Variants in PARP16 observed in about 807,000 individuals in gnomAD.
PARP16 encodes poly(ADP-ribose) polymerase family member 16.
In PARP16, 31 loss-of-function variants were observed where a neutral mutation model predicts 35.0. The observed-to-expected ratio is 0.88, with a 90% CI of 0.66 to 1.19. The LOEUF (loss-of-function observed/expected upper bound fraction) is 1.19. PARP16 is among the 50% of genes most tolerant of loss of function. The probability of loss-of-function intolerance (pLI) is 0.00; values close to 1 mark genes in which losing one functional copy is unlikely to be tolerated. For missense variants in PARP16, 424 were observed against 411.2 expected, an observed-to-expected ratio of 1.03 and a Z score of -0.27; for synonymous variants, 162 against 169.5, an observed-to-expected ratio of 0.96 and a Z score of 0.34.
Position 65,259,407 on chromosome 15 carries a change from T to C in PARP16, c.969A>G (p.Ter323=). Residue 323 remains the stop codon, a stop_retained_variant, in exon 6 of 6, where the codon TAA becomes TAG. Coordinates refer to ENST00000649807, the MANE Select transcript of PARP16 (RefSeq NM_001316943.2). ...AGCCCCCACACCAGGCCCAGAAAGA[T>C]TATCTTTTCGCACGATTCCAAAAGT... is the stretch of plus-strand genomic sequence containing the variant. ...FQHFWNRAKR[*] 1 of 1,614,112 alleles carries C rather than the reference T, an allele frequency of 6.2e-7. No individual in the cohort carries two copies. Among genetic ancestry groups the C allele is most frequent in the Non-Finnish European group, 8.5e-7 (1 of 1,179,974 alleles).
At chr15:65,279,159 G>A (rs1306628258) in intron 1 of PARP16, among the ~76,000 whole-genome samples, 1 of 152,146 alleles carries the variant, frequency 6.6e-6, no homozygotes, top group Non-Finnish European at 1.5e-5. Flanking sequence ...AGCAAGAGTG[G>A]TGTGCCATCA....
chr15:65,277,730 A>G (rs2090298830), intron 1 of PARP16, among the ~76,000 whole-genome samples: 1 of 152,174 alleles, frequency 6.6e-6, no homozygotes, highest in South Asian at 2.1e-4. Flanking sequence ...GGTGGACTGA[A>G]TATTTTAGCC....
At chr15:65,255,760 AAG>A (rs2089487651), downstream of PARP16, among the ~76,000 whole-genome samples, 1 of 150,924 alleles carries the variant, frequency 6.6e-6, no homozygotes, top group Non-Finnish European at 1.5e-5. Context: ...AAAAAAAAAA[AAG>A]AAAAAAAAAA....
exon 4 of PARP16, chr15:65,234,694 T>C (rs2088830224): frequency 6.6e-6 from 1 of 152,346 alleles, no homozygotes; most frequent in South Asian, 2.1e-4. Context: ...TCTCAGCCTC[T>C]TCAGTACATG....
Position 65,261,017 on chromosome 15 carries a change from T to G in PARP16, c.701A>C (p.Glu234Ala). ...KCQTKKKDSK[E>A]IDRRRARIKH... ...GATTCTCGCTCGTCTGCGATCTATC[T>G]CCTTGGAATCTGAATAAGGAGAGTA... The change falls in exon 5 of 6, where the codon GAG (glutamate) becomes GCG (alanine). Residue 234 changes from glutamate (E) to alanine (A), a missense_variant. Glu to Ala is a moderately radical substitution (Grantham distance 107). Coordinates refer to ENST00000649807, the MANE Select transcript of PARP16 (RefSeq NM_001316943.2). The G allele has an allele frequency of 6.2e-7, 1 of 1,613,690 alleles. No homozygotes were observed. The highest frequency in any genetic ancestry group is 1.1e-5 in the South Asian group (1 of 91,056).
intron 1 of PARP16, among the ~76,000 whole-genome samples, chr15:65,282,299 G>A (rs543767151): frequency 1.8e-4 from 27 of 152,144 alleles, no homozygotes; most frequent in Non-Finnish European, 2.1e-4. Flanking sequence ...GTGAACCACC[G>A]TGCCCAGCCA....
At chr15:65,252,905 G>A (rs1037427105) in intron 2 of PARP16, among the ~76,000 whole-genome samples, 1 of 152,182 alleles carries the variant, frequency 6.6e-6, no homozygotes. Context: ...AAGGTGGGCA[G>A]ATCACCTGAG....
At chr15:65,243,485 A>C (rs1013201749) in intron 3 of PARP16, among the ~76,000 whole-genome samples, 1 of 152,080 alleles carries the variant, frequency 6.6e-6, no homozygotes, top group African/African-American at 2.4e-5. Flanking sequence ...TCCTGAGCTC[A>C]AGTGATCCAC....
In PARP16 at chr15:65,259,421, G is replaced by A. The variant is rs1229731656; in HGVS notation, c.955C>T (p.Arg319Cys). ...NSSAFQHFWN[R>C]AKR is the part of the protein sequence containing the mutation. ...GCCCAGAAAGATTATCTTTTCGCACGATTCCAAAAGTGTTGGAAAGCAGAG... is the reference window on the plus strand; with the variant it reads ...GCCCAGAAAGATTATCTTTTCGCACAATTCCAAAAGTGTTGGAAAGCAGAG... The change falls in exon 6 of 6, where the codon CGT becomes TGT. Residue 319 changes from arginine (R) to cysteine (C), a missense_variant. Transcript: ENST00000649807. The A allele has an allele frequency of 5.0e-6, 8 of 1,614,116 alleles. No individual in the cohort carries two copies. Among genetic ancestry groups the A allele is most frequent in the Admixed American group, 1.7e-5 (1 of 60,010 alleles).
chr15:65,275,194 G>A lies in PARP16; in HGVS notation c.175-4122C>T, dbSNP rs147856666. Among the ~76,000 whole-genome samples, 132 of 152,242 alleles carry A rather than the reference G, an allele frequency of 8.7e-4. 1 individual carries two copies. The highest frequency in any genetic ancestry group is 3.0e-3 in the African/African-American group (123 of 41,532). On this transcript the variant is annotated intron_variant, in intron 1 of 5. Coordinates refer to ENST00000649807, the MANE Select transcript of PARP16 (RefSeq NM_001316943.2). ...GAGGACAAGGTGGGACTCCTGTTGC[G>A]TAGGGGCTAAAGGAAAAGGGGGTGG... is the stretch of plus-strand genomic sequence containing the variant.
At chr15:65,252,725 T>C (rs1005971337) in intron 2 of PARP16, among the ~76,000 whole-genome samples, 1 of 152,220 alleles carries the variant, frequency 6.6e-6, no homozygotes, top group Admixed American at 6.5e-5. Context: ...TCCTAACTCA[T>C]TACTAAAACC....
intron 3 of PARP16, among the ~76,000 whole-genome samples, chr15:65,241,284 G>A (rs1253707576): frequency 6.6e-6 from 1 of 151,734 alleles, no homozygotes; most frequent in Non-Finnish European, 1.5e-5. Context: ...GGGGTTACAG[G>A]CGTGTGCCAC....
chr15:65,233,224 T>C (rs2088801657), downstream of PARP16, among the ~76,000 whole-genome samples: 2 of 151,520 alleles, frequency 1.3e-5, no homozygotes, highest in Non-Finnish European at 2.9e-5. Context: ...CCATCCTGGC[T>C]AACATGGTGA....
At chr15:65,268,410 A>G (rs779427622) in intron 2 of PARP16, among the ~76,000 whole-genome samples, 8 of 152,002 alleles carry the variant, frequency 5.3e-5, no homozygotes, top group East Asian at 1.9e-4. Flanking sequence ...GAACCACCCA[A>G]CCAACCCACA....
chr15:65,257,283 G>C (rs1164315435), downstream of PARP16, among the ~76,000 whole-genome samples: 7 of 152,092 alleles, frequency 4.6e-5, no homozygotes, highest in Non-Finnish European at 1.0e-4. Context: ...CAGGTGTGGT[G>C]GCATGCGCCT....
At chr15:65,275,045 G>C (rs1479492396) in intron 1 of PARP16, among the ~76,000 whole-genome samples, 1 of 151,968 alleles carries the variant, frequency 6.6e-6, no homozygotes, top group African/African-American at 2.4e-5. Flanking sequence ...AACTCCAGAG[G>C]CAGAGGTTGC....
At chr15:65,261,439 T>C (rs1234394886) in intron 4 of PARP16, among the ~76,000 whole-genome samples, 1 of 149,106 alleles carries the variant, frequency 6.7e-6, no homozygotes, top group Non-Finnish European at 1.5e-5. Flanking sequence ...GCGTTTTATA[T>C]ATATACATGT....
chr15:65,239,424 TAAAAAAAAAAAAAA>T (rs758350761), intron 3 of PARP16, among the ~76,000 whole-genome samples: 4 of 6,960 alleles, frequency 5.7e-4, no homozygotes, highest in African/African-American at 6.2e-4. Context: ...AGACTTTGCC[TAAAAAAAAAAAAAA>T]AAAAAAAAAA....
rs781167337 is a variant in PARP16 at position 65,286,224 on chromosome 15, T to G, written c.174+29A>C. On this transcript the variant is annotated intron_variant, in intron 1 of 5. Transcript: ENST00000649807. ...ACAGGGCACTTGGTCCAGGACGCAG[T>G]GGGCAGCGCCAGGACAAAGCACACT... The G allele has an allele frequency of 2.2e-5, 33 of 1,516,122 alleles. 3 individuals are homozygous for G. The Admixed American group carries it at 2.6e-4, about 12-fold the overall frequency. 93.9% of individuals were successfully genotyped at this position (1,516,122 alleles called of 1,614,324 possible).
Sources: gnomAD v4.1 joint callset for allele counts (sites outside exome capture counted in the v4.1 genomes callset) on GRCh38, gnomAD v4.1.1 for gene constraint, MANE v1.5 for transcripts, NCBI Gene and HGNC (gene_info 2026-07-23, HGNC 2026-07-21) for gene names.